CADM1: variants seen among roughly 807,000 people sequenced by gnomAD.
CADM1 encodes the protein cell adhesion molecule 1, also known as TSLC-1.
A neutral mutation model predicts 53.1 loss-of-function variants in CADM1; 15 were observed. The observed-to-expected ratio is 0.28, with a 90% CI of 0.19 to 0.44. The LOEUF (loss-of-function observed/expected upper bound fraction) is 0.44. CADM1 is among the 20% of genes least tolerant of loss of function. The pLI is 1.00. For missense variants in CADM1, 434 were observed against 611.3 expected, an observed-to-expected ratio of 0.71 and a Z score of 3.06; for synonymous variants, 281 against 243.0, an observed-to-expected ratio of 1.16 and a Z score of -1.45.
chr11:115,416,176 C>T (rs1947591894), intron 1 of CADM1, among the ~76,000 whole-genome samples: 2 of 152,174 alleles, frequency 1.3e-5, no homozygotes, highest in African/African-American at 4.8e-5. Context: ...ACAGAAGACA[C>T]TGACAGAAAA....
chr11:115,182,787 C>T (rs1380711557), intron 10 of CADM1, among the ~76,000 whole-genome samples: 3 of 152,208 alleles, frequency 2.0e-5, no homozygotes, highest in Non-Finnish European at 2.9e-5. Context: ...CCCTGCCTGT[C>T]GTGTCCCATC....
At chr11:115,212,702 T>C (rs1233614032) in intron 7 of CADM1, among the ~76,000 whole-genome samples, 1 of 152,236 alleles carries the variant, frequency 6.6e-6, no homozygotes, top group Non-Finnish European at 1.5e-5. Flanking sequence ...TGTTGTGGAC[T>C]TTAGAGCCAA....
chr11:115,350,925 T>TA (rs11378288), intron 1 of CADM1, among the ~76,000 whole-genome samples: 46,938 of 135,770 alleles, frequency 0.35, 8,451 homozygotes, highest in Non-Finnish European at 0.44. Context: ...TACGAGAAGT[T>TA]AAAAAAAAAA....
chr11:115,182,422 T>C (rs1490336449), intron 10 of CADM1, among the ~76,000 whole-genome samples: 1 of 152,196 alleles, frequency 6.6e-6, no homozygotes, highest in East Asian at 1.9e-4. Context: ...TCCTGAAAAG[T>C]AAAGCCATGT....
At chr11:115,418,712 C>T (rs566584707) in intron 1 of CADM1, among the ~76,000 whole-genome samples, 1 of 152,246 alleles carries the variant, frequency 6.6e-6, no homozygotes, top group African/African-American at 2.4e-5. Context: ...CATTAAAGGA[C>T]CAACCAAATC....
At chr11:115,250,404 T>G (rs1942564666) in intron 1 of CADM1, among the ~76,000 whole-genome samples, 1 of 152,096 alleles carries the variant, frequency 6.6e-6, no homozygotes, top group Non-Finnish European at 1.5e-5. Context: ...AAAAGCTGGG[T>G]TTTTCCCCCT....
intron 1 of CADM1, among the ~76,000 whole-genome samples, chr11:115,453,095 G>A (rs1322428475): frequency 2.6e-5 from 4 of 152,092 alleles, no homozygotes; most frequent in African/African-American, 7.2e-5. Flanking sequence ...GGAAGCACTC[G>A]ACCAGGTGCA....
intron 1 of CADM1, among the ~76,000 whole-genome samples, chr11:115,262,210 C>A (rs532386681): frequency 2.4e-4 from 36 of 151,452 alleles, no homozygotes; most frequent in Non-Finnish European, 4.4e-4. Flanking sequence ...GGATTTGAGA[C>A]CCCTTTACTC....
intron 1 of CADM1, among the ~76,000 whole-genome samples, chr11:115,452,383 G>T (rs1051427827): frequency 6.6e-6 from 1 of 152,182 alleles, no homozygotes; most frequent in Admixed American, 6.5e-5. Flanking sequence ...AGAGGTGAAA[G>T]TCAAGTGCTT....
chr11:115,501,398 C>G (rs1208834469), intron 1 of CADM1, among the ~76,000 whole-genome samples: 1 of 152,168 alleles, frequency 6.6e-6, no homozygotes, highest in African/African-American at 2.4e-5. Context: ...CTTCCCATCA[C>G]CACCATAAAT....
chr11:115,486,972 A>C (rs1312271420), intron 1 of CADM1, among the ~76,000 whole-genome samples: 1 of 152,186 alleles, frequency 6.6e-6, no homozygotes, highest in Non-Finnish European at 1.5e-5. Flanking sequence ...CTGTGGCCAC[A>C]GTCCCACCTT....
intron 1 of CADM1, among the ~76,000 whole-genome samples, chr11:115,450,959 C>T (rs989613639): frequency 9.2e-5 from 14 of 152,152 alleles, no homozygotes; most frequent in Non-Finnish European, 2.9e-5. Flanking sequence ...CCTTTTTAAT[C>T]ATCAATCAAG....
intron 1 of CADM1, among the ~76,000 whole-genome samples, chr11:115,287,817 G>C (rs881210): frequency 0.56 from 85,599 of 152,086 alleles, 27,104 homozygotes; most frequent in East Asian, 0.87. Flanking sequence ...TTACTGAGAC[G>C]TACTACATGC....
chr11:115,175,261 C>G lies in CADM1; in HGVS notation c.*1213G>C. On this transcript the variant is annotated 3_prime_UTR_variant, in exon 12 of 12. Transcript: ENST00000331581. ...ACCTCCTGCCTTTGTCAAGCCAAAT[C>G]TGAAGGAATGAAAGTTTCACACAGA... 7 of 985,446 alleles carry G rather than the reference C, an allele frequency of 7.1e-6. No individual in the cohort carries two copies. The highest frequency in any genetic ancestry group is 8.4e-6 in the Non-Finnish European group (7 of 829,918). 61.0% of individuals were successfully genotyped at this position (985,446 alleles called of 1,614,324 possible). A position where few individuals can be genotyped will look rare whatever the true frequency, so the allele number is the denominator to read the frequency against.
intron 1 of CADM1, among the ~76,000 whole-genome samples, chr11:115,321,736 T>G (rs1433506956): frequency 1.3e-5 from 2 of 152,164 alleles, no homozygotes; most frequent in African/African-American, 4.8e-5. Flanking sequence ...ACTACATTAT[T>G]ACAATGTGTT....
At chr11:115,480,315 T>C (rs1949230880) in intron 1 of CADM1, among the ~76,000 whole-genome samples, 1 of 152,108 alleles carries the variant, frequency 6.6e-6, no homozygotes, top group African/African-American at 2.4e-5. Context: ...TTATAATGAG[T>C]GGGATTTACT....
intron 1 of CADM1, among the ~76,000 whole-genome samples, chr11:115,328,734 A>ATATATATACGCGTATATATATG (rs1945048987): frequency 8.6e-6 from 1 of 115,952 alleles, no homozygotes; most frequent in South Asian, 2.8e-4. Context: ...ATGTATATAC[A>ATATATATACGCGTATATATATG]TATATATATA....
At chr11:115,444,664 T>C (rs1948409675) in intron 1 of CADM1, among the ~76,000 whole-genome samples, 1 of 152,236 alleles carries the variant, frequency 6.6e-6, no homozygotes, top group South Asian at 2.1e-4. Context: ...AGAGGACAAC[T>C]TCTGGGAAGT....
chr11:115,220,562 A>T (rs930078672), intron 5 of CADM1, among the ~76,000 whole-genome samples: 1 of 152,202 alleles, frequency 6.6e-6, no homozygotes, highest in Non-Finnish European at 1.5e-5. Context: ...GCTGGCTGAA[A>T]AGGTAAGCGT....
Sources: gnomAD v4.1 joint callset for allele counts (sites outside exome capture counted in the v4.1 genomes callset) on GRCh38, gnomAD v4.1.1 for gene constraint, MANE v1.5 for transcripts, NCBI Gene and HGNC (gene_info 2026-07-23, HGNC 2026-07-21) for gene names.